Variants in VWF observed in about 807,000 individuals in gnomAD.
The protein encoded by VWF is Factor VIII related antigen.
Under a neutral mutation model 308.6 loss-of-function variants are expected in VWF, and 176 were observed. The ratio of observed to expected loss-of-function variants is 0.57; its 90% CI spans 0.50 to 0.65. VWF has a LOEUF of 0.65. VWF is among the 30% of genes least tolerant of loss of function. The probability of loss-of-function intolerance (pLI) is 0.00; values close to 1 mark genes in which losing one functional copy is unlikely to be tolerated. For missense variants in VWF, 3,146 were observed against 3,648.2 expected (o/e 0.86, Z 3.55); for synonymous variants, 1,385 against 1,443.4 (o/e 0.96, Z 0.92).
chr12:5,970,946 T>C (rs1943466185), intron 44 of VWF, among the ~76,000 whole-genome samples: 1 of 152,172 alleles, frequency 6.6e-6, no homozygotes, highest in Non-Finnish European at 1.5e-5. Context: ...GAATCCTCTG[T>C]GTTTAAGAAA....
intron 24 of VWF, among the ~76,000 whole-genome samples, chr12:6,025,067 G>A (rs910182806): frequency 6.6e-6 from 1 of 151,284 alleles, no homozygotes. Context: ...TAACCTTGCG[G>A]AATTCCTCCT....
chr12:6,027,869 CA>C lies in VWF; in HGVS notation c.2967+1472del, dbSNP rs1565835348. Among the ~76,000 whole-genome samples, 267 of 151,762 alleles carry C rather than the reference CA, an allele frequency of 1.8e-3. 1 individual carries two copies. Among genetic ancestry groups the C allele is most frequent in the African/African-American group, 6.2e-3 (255 of 41,416 alleles). ...ACACATACACACACACACACACACA[CA>C]CACACACACACACCCCTAAACAAAA... On this transcript the variant is annotated intron_variant, in intron 22 of 51. Coordinates refer to ENST00000261405, the MANE Select transcript of VWF (RefSeq NM_000552.5).
Position 5,967,562 on chromosome 12 carries a change from C to T in VWF, c.7811G>A (p.Arg2604His), listed in dbSNP as rs147052620. ...GATGACCCCCACCTGCACCATGCAG[C>T]GGCAGGTCGTGCACACATCGATCAT... ...TVMIDVCTTC[R>H]CMVQVGVISG... The change falls in exon 47 of 52, where the codon CGC (arginine) becomes CAC (histidine). Residue 2604 changes from arginine (R) to histidine (H), a missense_variant. Arg to His is a conservative substitution (Grantham distance 29). Coordinates refer to ENST00000261405, the MANE Select transcript of VWF (RefSeq NM_000552.5). 2.7e-5 allele frequency: 43 copies of T among 1,613,956 alleles called. No homozygotes were observed. Among genetic ancestry groups the T allele is most frequent in the African/African-American group, 2.1e-4 (16 of 74,904 alleles).
At chr12:6,109,747 T>C (rs1945284856) in intron 5 of VWF, among the ~76,000 whole-genome samples, 1 of 151,896 alleles carries the variant, frequency 6.6e-6, no homozygotes, top group South Asian at 2.1e-4. Context: ...CCCTCCCGGG[T>C]TCACGCCATT....
intron 6 of VWF, among the ~76,000 whole-genome samples, chr12:6,086,328 G>A (rs970201794): frequency 7.2e-5 from 11 of 152,218 alleles, no homozygotes; most frequent in Admixed American, 2.6e-4. Flanking sequence ...GGAAAGACAC[G>A]TGTGTACTTA....
rs1332206266 is a variant in VWF, at chr12:6,019,301, C to A, written c.4117G>T (p.Asp1373Tyr). ...YTLFQIFSKI[D>Y]RPEASRITLL... The stretch of plus-strand genomic sequence containing the variant: ...GTGATGCGGGAGGCTTCAGGGCGGT[C>A]GATCTTGCTGAAGATTTGGAACAGT... The change falls in exon 28 of 52, where the codon GAC becomes TAC. Residue 1373 changes from aspartate (D) to tyrosine (Y), a missense_variant. Asp to Tyr is a radical substitution (Grantham distance 160, BLOSUM62 -3). Transcript: ENST00000261405. This position sits in a 1 kb window ranked among gnomAD's most constrained non-coding sequence, Gnocchi z 5.8. The A allele has an allele frequency of 1.2e-6, 2 of 1,613,862 alleles. No individual in the cohort carries two copies. Among genetic ancestry groups the A allele is most frequent in the Admixed American group, 1.7e-5 (1 of 60,012 alleles).
intron 5 of VWF, 81 bp from the exon 6 acceptor site, chr12:6,095,665 G>A: frequency 6.3e-7 from 1 of 1,597,972 alleles, no homozygotes; most frequent in South Asian, 1.1e-5. Context: ...AGGTCTGCTG[G>A]TGGTTTTGTG....
chr12:5,956,792 T>C (rs989835755), intron 47 of VWF, among the ~76,000 whole-genome samples: 1 of 152,234 alleles, frequency 6.6e-6, no homozygotes, highest in Admixed American at 6.5e-5. Context: ...AAAAAGCTTT[T>C]AAAATTTTAA....
intron 5 of VWF, among the ~76,000 whole-genome samples, chr12:6,104,081 A>G (rs975003512): frequency 6.6e-6 from 1 of 152,200 alleles, no homozygotes; most frequent in African/African-American, 2.4e-5. Context: ...ACAATGAAAA[A>G]TAACAAATAA....
At chr12:6,066,040 C>G (rs907849152) in intron 10 of VWF, among the ~76,000 whole-genome samples, 2 of 152,356 alleles carry the variant, frequency 1.3e-5, no homozygotes, top group African/African-American at 2.4e-5. Flanking sequence ...CTTCCCAGCC[C>G]AGGCTGACAC....
At chr12:6,056,722 C>T in intron 15 of VWF, 135 bp downstream of exon 15, 2 of 760,580 alleles carry the variant, frequency 2.6e-6, no homozygotes, top group South Asian at 3.9e-5. Flanking sequence ...AATGAACCGT[C>T]CTCCCCACCC....
chr12:6,112,105 C>G (rs888692885), intron 3 of VWF, among the ~76,000 whole-genome samples: 1 of 152,146 alleles, frequency 6.6e-6, no homozygotes, highest in Admixed American at 6.6e-5. Context: ...GTTTACAGAT[C>G]GTGTGGGTCA....
chr12:6,056,033 G>T (rs548901466), intron 15 of VWF, among the ~76,000 whole-genome samples: 15 of 151,446 alleles, frequency 9.9e-5, no homozygotes, highest in Non-Finnish European at 1.6e-4. Flanking sequence ...TCTACCATTG[G>T]AAACAAGTCT....
At chr12:6,012,459 G>A (rs1944008121) in intron 32 of VWF, among the ~76,000 whole-genome samples, 1 of 152,198 alleles carries the variant, frequency 6.6e-6, no homozygotes, top group South Asian at 2.1e-4. Context: ...CAAGATCCTG[G>A]AAACCTGAAA....
In VWF at chr12:6,032,103, C is replaced by G. The variant is rs146477335; in HGVS notation, c.2686-525G>C. 6.3e-3 allele frequency among the ~76,000 whole-genome samples: 967 copies of G among 152,302 alleles called. 9 individuals are homozygous for G. Among genetic ancestry groups the G allele is most frequent in the African/African-American group, 0.022 (909 of 41,560 alleles). ...AGATGAGTAGAGAGGATAAGGAGCTCTGGTCCTTGTTGGTCAATTGCATAG... is the reference window on the plus strand; with the variant it reads ...AGATGAGTAGAGAGGATAAGGAGCTGTGGTCCTTGTTGGTCAATTGCATAG... On this transcript the variant is annotated intron_variant, in intron 20 of 51. Coordinates refer to ENST00000261405, the MANE Select transcript of VWF (RefSeq NM_000552.5).
intron 15 of VWF, among the ~76,000 whole-genome samples, chr12:6,055,728 C>T (rs2136452754): frequency 6.7e-6 from 1 of 148,176 alleles, no homozygotes; most frequent in South Asian, 2.1e-4. Context: ...CCTCTTCCAA[C>T]AGGACCATCT....
chr12:6,071,533 T>C (rs1049309242), intron 9 of VWF, among the ~76,000 whole-genome samples, 190 bp from the exon 10 acceptor site: 1 of 151,858 alleles, frequency 6.6e-6, no homozygotes, highest in South Asian at 2.1e-4. Flanking sequence ...AAAGGAATCT[T>C]AGAGATATTA....
At chr12:6,092,626 T>TGAGAGTGAGAGTCAGAGAGAGAGAGA (rs1242670462) in intron 6 of VWF, among the ~76,000 whole-genome samples, 31 of 83,526 alleles carry the variant, frequency 3.7e-4, no homozygotes, top group African/African-American at 1.9e-3. Flanking sequence ...AGAGTGTGTG[T>TGAGAGTGAGAGTCAGAGAGAGAGAGA]GTGTGTGTGT....
rs781033577 is a variant in VWF, at chr12:6,029,430, C to G, written c.2879G>C (p.Arg960Pro). Residue 960 changes from arginine (R) to proline (P), a missense_variant, in exon 22 of 52, where the codon CGG becomes CCG. Around this residue, in one of 3 missense-constraint regions of VWF, gnomAD observed 1,304 missense variants for 1,353.0 expected, o/e 0.96. Coordinates refer to ENST00000261405, the MANE Select transcript of VWF (RefSeq NM_000552.5). ...TTTGCCCAGCAGCAGAATGATGTAC[C>G]GGCCAGACTCCACCACCTCAAAGTG... ...ETHFEVVESG[R>P]YIILLLGKAL... 5.0e-6 allele frequency: 8 copies of G among 1,614,104 alleles called. No individual in the cohort carries two copies. Among genetic ancestry groups the G allele is most frequent in the Non-Finnish European group, 6.8e-6 (8 of 1,180,012 alleles).
Sources: allele counts gnomAD v4.1 joint callset (sites outside exome capture counted in the v4.1 genomes callset), GRCh38; gene constraint gnomAD v4.1.1; regional missense constraint gnomAD v4.1.1; non-coding constraint Gnocchi (gnomAD v3.1); transcripts MANE v1.5; gene names NCBI Gene and HGNC (gene_info 2026-07-23, HGNC 2026-07-21).